The following POMGNT2 variants were observed in gnomAD, a reference collection of about 807,000 sequenced individuals.
The protein encoded by POMGNT2 is protein O-linked mannose N-acetylglucosaminyltransferase 2 (beta 1,4-).
In POMGNT2, 32 loss-of-function variants were observed where a neutral mutation model predicts 37.8. The ratio of observed to expected loss-of-function variants is 0.85; its 90% CI spans 0.64 to 1.14. POMGNT2 has a LOEUF of 1.14. Among genes scored for constraint, POMGNT2 ranks in the 50% most tolerant of loss-of-function variants. The pLI, the probability that POMGNT2 is intolerant of heterozygous loss-of-function variation, is 0.00. For synonymous variants in POMGNT2, 340 were observed against 336.8 expected (o/e 1.01, Z -0.10); for missense variants, 705 against 780.6 (o/e 0.90, Z 1.15).
intron 1 of POMGNT2, among the ~76,000 whole-genome samples, chr3:43,096,041 G>GAAC (rs1420304982): frequency 3.9e-5 from 6 of 152,184 alleles, no homozygotes; most frequent in African/African-American, 7.2e-5. Flanking sequence ...TGAAACTCTT[G>GAAC]AAGGAGACAA....
At chr3:43,083,341 A>G (rs551409695) in intron 1 of POMGNT2, among the ~76,000 whole-genome samples, 1 of 152,354 alleles carries the variant, frequency 6.6e-6, no homozygotes, top group South Asian at 2.1e-4. Flanking sequence ...TCTACTCCAG[A>G]TGTTCTCAAG....
At position 43,081,231 on chromosome 3, in the gene POMGNT2, CAT is replaced by C; in HGVS notation, c.199_200del (p.Met67GlyfsTer24). On this transcript the variant is annotated frameshift_variant, in exon 2 of 2. Coordinates refer to ENST00000344697, the MANE Select transcript of POMGNT2 (RefSeq NM_032806.6). LOFTEE classifies it high-confidence loss of function. ...LQILMEGGTHMVCTGRTHTDR... is the reference protein window; with the variant it reads ...LQILMEGGTHXVCTGRTHTDR... ...CTGTGTGCGTGCGGCCCGTGCACAC[CAT>C]GTGTGTGCCGCCCTCCATCAGGATC... 2 of 1,613,912 alleles carry C rather than the reference CAT, an allele frequency of 1.2e-6. No individual in the cohort carries two copies. Among genetic ancestry groups the C allele is most frequent in the Non-Finnish European group, 1.7e-6 (2 of 1,179,960 alleles).
chr3:43,094,636 C>T (rs1330091848), intron 1 of POMGNT2, among the ~76,000 whole-genome samples: 4 of 152,210 alleles, frequency 2.6e-5, no homozygotes, highest in African/African-American at 9.7e-5. Flanking sequence ...CTGTTCAGGG[C>T]AGTCTGTGCA....
rs1471561878 is a variant in POMGNT2 at position 43,096,069 on chromosome 3, C to T, written c.-106+9767G>A. 2.6e-5 allele frequency among the ~76,000 whole-genome samples: 4 copies of T among 152,124 alleles called. No homozygotes were observed. The East Asian group carries it at 7.7e-4, about 29-fold the overall frequency. ...GGAGACAAAAGGGATTCAAAGGGGA[C>T]CCAACAACCTTGATCCTTATTTGTT... On this transcript the variant is annotated intron_variant, in intron 1 of 1. Transcript: ENST00000344697.
chr3:43,100,866 T>A (rs2090013639), intron 1 of POMGNT2, among the ~76,000 whole-genome samples: 1 of 152,196 alleles, frequency 6.6e-6, no homozygotes, highest in Non-Finnish European at 1.5e-5. Context: ...AGGTTATGCA[T>A]TTTCGTGAGG....
intron 1 of POMGNT2, among the ~76,000 whole-genome samples, chr3:43,094,332 T>C (rs1424748049): frequency 6.6e-6 from 1 of 152,230 alleles, no homozygotes; most frequent in Non-Finnish European, 1.5e-5. Context: ...CACAATTCTC[T>C]AGGAGGAAAA....
intron 1 of POMGNT2, chr3:43,088,047 C>G (rs994814295): frequency 6.6e-6 from 1 of 152,226 alleles, no homozygotes; most frequent in African/African-American, 2.4e-5. Flanking sequence ...ATAAGAACCA[C>G]AATTTCATTC....
chr3:43,094,165 T>C (rs963319492), intron 1 of POMGNT2, among the ~76,000 whole-genome samples: 1 of 152,166 alleles, frequency 6.6e-6, no homozygotes, highest in Non-Finnish European at 1.5e-5. Context: ...ACAACCTGCA[T>C]AAGCCAGCCA....
Position 43,080,913 on chromosome 3 carries a change from C to T in POMGNT2, c.519G>A (p.Leu173=). 1 of 1,614,058 alleles carries T rather than the reference C, an allele frequency of 6.2e-7. No individual in the cohort carries two copies. Among genetic ancestry groups the T allele is most frequent in the Non-Finnish European group, 8.5e-7 (1 of 1,179,984 alleles). The part of the protein sequence containing the change: ...NLMHVFHDDL[L]PLFYTLRQFP... ...ACTGCCGCAGGGTGTAGAAGAGTGGCAGCAGGTCGTCATGAAAGACGTGCA... is the reference window on the plus strand; with the variant it reads ...ACTGCCGCAGGGTGTAGAAGAGTGGTAGCAGGTCGTCATGAAAGACGTGCA... Residue 173 remains leucine (L), a synonymous_variant, in exon 2 of 2, where the codon CTG becomes CTA. Coordinates refer to ENST00000344697, the MANE Select transcript of POMGNT2 (RefSeq NM_032806.6).
chr3:43,081,929 T>C (rs1559415357), intron 1 of POMGNT2, among the ~76,000 whole-genome samples: 1 of 152,244 alleles, frequency 6.6e-6, no homozygotes, highest in Non-Finnish European at 1.5e-5. Flanking sequence ...GAGATACGCA[T>C]GAAGCAGAAC....
chr3:43,079,633 C>T lies in POMGNT2; in HGVS notation c.*56G>A, dbSNP rs1207071140. The T allele has an allele frequency of 2.0e-6, 3 of 1,501,622 alleles. No homozygotes were observed. The highest frequency in any genetic ancestry group is 2.7e-6 in the Non-Finnish European group (3 of 1,099,290). 93.0% of individuals were successfully genotyped at this position (1,501,622 alleles called of 1,614,324 possible). ...AGTCTCCACAGTGGGATTAATGGGC[C>T]CAGGGACGCTGAACTGCAGGAGCCA... On this transcript the variant is annotated 3_prime_UTR_variant, in exon 2 of 2. Transcript: ENST00000344697.
In POMGNT2 at chr3:43,080,019, T is replaced by C; in HGVS notation, c.1413A>G (p.Pro471=). 1 of 1,613,908 alleles carries C rather than the reference T, an allele frequency of 6.2e-7. No individual in the cohort carries two copies. Among genetic ancestry groups the C allele is most frequent in the Non-Finnish European group, 8.5e-7 (1 of 1,180,038 alleles). ...IRRVVKGRPG[P]RKQKWTVGLY... is the part of the protein sequence containing the mutation. ...GGCCGACTGTCCACTTCTGCTTCCGTGGTCCTGGCCGGCCCTTCACCACGC... is the reference window on the plus strand; with the variant it reads ...GGCCGACTGTCCACTTCTGCTTCCGCGGTCCTGGCCGGCCCTTCACCACGC... Residue 471 remains proline (P), a synonymous_variant, in exon 2 of 2, where the codon CCA becomes CCG. Coordinates refer to ENST00000344697, the MANE Select transcript of POMGNT2 (RefSeq NM_032806.6).
At chr3:43,088,569 G>C (rs1370271499) in intron 1 of POMGNT2, among the ~76,000 whole-genome samples, 1 of 152,208 alleles carries the variant, frequency 6.6e-6, no homozygotes, top group Non-Finnish European at 1.5e-5. Context: ...ACCTCAGGTG[G>C]ACTGTCAGCA....
chr3:43,085,931 C>G (rs1325741658), intron 1 of POMGNT2, among the ~76,000 whole-genome samples: 1 of 152,202 alleles, frequency 6.6e-6, no homozygotes, highest in African/African-American at 2.4e-5. Context: ...ACCCAGAGAA[C>G]TCACCATTAT....
In POMGNT2 at chr3:43,106,021, G is replaced by A. The variant is rs1265437038; in HGVS notation, c.-291C>T. 1 of 151,620 alleles carries A rather than the reference G, an allele frequency of 6.6e-6. No homozygotes were observed. Among genetic ancestry groups the A allele is most frequent in the Non-Finnish European group, 1.5e-5 (1 of 67,878 alleles). 9.4% of individuals were successfully genotyped at this position (151,620 alleles called of 1,614,324 possible). On this transcript the variant is annotated 5_prime_UTR_variant, in exon 1 of 2. Transcript: ENST00000344697. ...GGGTTCGCAGCGACCGCCACCTCCA[G>A]GCTCGCAGGTGTCCGCCGTGCGCCT...
At chr3:43,087,072 A>G (rs2089903167) in intron 1 of POMGNT2, among the ~76,000 whole-genome samples, 1 of 152,292 alleles carries the variant, frequency 6.6e-6, no homozygotes, top group African/African-American at 2.4e-5. Flanking sequence ...TAAGCCAAAG[A>G]GCCAGCCCGG....
intron 1 of POMGNT2, among the ~76,000 whole-genome samples, chr3:43,105,219 A>G (rs2090049008): frequency 6.6e-6 from 1 of 152,178 alleles, no homozygotes. Context: ...GGGTTCCTAA[A>G]CACACACATG....
rs967766438 is a variant in POMGNT2, at chr3:43,106,023, C to G, written c.-293G>C. 4 of 151,576 alleles carry G rather than the reference C, an allele frequency of 2.6e-5. No individual in the cohort carries two copies. The highest frequency in any genetic ancestry group is 1.3e-4 in the Admixed American group (2 of 15,244). 9.4% of individuals were successfully genotyped at this position (151,576 alleles called of 1,614,324 possible). ...GTTCGCAGCGACCGCCACCTCCAGGCTCGCAGGTGTCCGCCGTGCGCCTGC... is the reference window on the plus strand; with the variant it reads ...GTTCGCAGCGACCGCCACCTCCAGGGTCGCAGGTGTCCGCCGTGCGCCTGC... On this transcript the variant is annotated 5_prime_UTR_variant, in exon 1 of 2. Coordinates refer to ENST00000344697, the MANE Select transcript of POMGNT2 (RefSeq NM_032806.6).
chr3:43,102,315 C>T (rs1340826575), intron 1 of POMGNT2, among the ~76,000 whole-genome samples: 3 of 152,214 alleles, frequency 2.0e-5, no homozygotes, highest in African/African-American at 4.8e-5. Flanking sequence ...GGAGCAACTA[C>T]ACAGCAAAGA....
Sources: allele counts gnomAD v4.1 joint callset (sites outside exome capture counted in the v4.1 genomes callset), GRCh38; gene constraint gnomAD v4.1.1; transcripts MANE v1.5; gene names NCBI Gene and HGNC (gene_info 2026-07-23, HGNC 2026-07-21).